The following PIEZO2 variants were observed in gnomAD, a reference collection of about 807,000 sequenced individuals.
PIEZO2 encodes piezo-type mechanosensitive ion channel component 2.
Under a neutral mutation model 337.3 loss-of-function variants are expected in PIEZO2, and 172 were observed. That is an observed-to-expected ratio of 0.51 (90% CI 0.45 to 0.58). The LOEUF is 0.58. Among genes scored for constraint, PIEZO2 ranks in the 20% least tolerant of loss-of-function variants. The pLI, the probability that PIEZO2 is intolerant of heterozygous loss-of-function variation, is 0.00. For synonymous variants in PIEZO2, 1,251 were observed against 1,228.5 expected, an observed-to-expected ratio of 1.02 and a Z score of -0.38; for missense variants, 3,028 against 3,391.3, an observed-to-expected ratio of 0.89 and a Z score of 2.66.
intron 33 of PIEZO2, chr18:10,739,247 C>T (rs766570219): frequency 6.6e-6 from 1 of 152,186 alleles, no homozygotes; most frequent in African/African-American, 2.4e-5. Flanking sequence ...CTATGAATTA[C>T]ACACATTTCT....
intron 1 of PIEZO2, among the ~76,000 whole-genome samples, chr18:11,066,676 T>C (rs759621169): frequency 4.6e-5 from 7 of 152,222 alleles, no homozygotes; most frequent in African/African-American, 1.7e-4. Flanking sequence ...CTCGGCTCAC[T>C]GCAACCTCTG....
chr18:11,130,574 C>G (rs942511688), intron 1 of PIEZO2, among the ~76,000 whole-genome samples: 3 of 152,182 alleles, frequency 2.0e-5, no homozygotes, highest in Admixed American at 1.3e-4. Context: ...ATCCAGTAAG[C>G]AAGAAGTAGC....
In PIEZO2 at chr18:11,116,878, G is replaced by C. The variant is rs9952136; in HGVS notation, c.64+31647C>G. On this transcript the variant is annotated intron_variant, in intron 1 of 55. Transcript: ENST00000674853. This position sits in a 1 kb window ranked among gnomAD's most constrained non-coding sequence, Gnocchi z 5.0. ...AATCCCAGCACTCTGTGAGGCCAAG[G>C]CAGGAGGATCACTTGAGGTCAGGGG... Among the ~76,000 whole-genome samples the C allele has an allele frequency of 7.1e-3, 1,081 of 152,266 alleles. 12 individuals carry two copies. The highest frequency in any genetic ancestry group is 0.024 in the African/African-American group (1,006 of 41,542).
At chr18:10,768,906 T>C (rs2038476462) in intron 21 of PIEZO2, among the ~76,000 whole-genome samples, 1 of 152,206 alleles carries the variant, frequency 6.6e-6, no homozygotes, top group Non-Finnish European at 1.5e-5. Flanking sequence ...CAGCAGATTC[T>C]CTGCGTCCGA....
At chr18:11,082,026 C>T (rs886574190) in intron 1 of PIEZO2, among the ~76,000 whole-genome samples, 8 of 152,166 alleles carry the variant, frequency 5.3e-5, no homozygotes, top group African/African-American at 1.2e-4. Context: ...TCCCAAAGTG[C>T]TGGGATTACA....
chr18:10,714,816 C>G lies in PIEZO2; in HGVS notation c.5371G>C (p.Ala1791Pro). ...IDEHPGAASG[A>P]QTAHRMDSLD... ...CTATCCATCCTGTGGGCTGTCTGTG[C>G]ACCTGAAGCAGCTCCGGGATGCTCG... Residue 1791 changes from alanine (A) to proline (P), a missense_variant, in exon 39 of 56, where the codon GCA becomes CCA. This residue lies in a region of PIEZO2 where 1,925 missense variants were observed against 2,051.9 expected (regional missense o/e 0.94). Transcript: ENST00000674853. The G allele has an allele frequency of 1.3e-6, 2 of 1,537,230 alleles. No individual in the cohort carries two copies. Among genetic ancestry groups the G allele is most frequent in the Non-Finnish European group, 1.7e-6 (2 of 1,146,894 alleles).
Position 10,757,965 on chromosome 18 carries a change from T to C in PIEZO2, c.3923+4A>G, listed in dbSNP as rs2037953465. The C allele has an allele frequency of 6.5e-7, 1 of 1,531,822 alleles. No homozygotes were observed. The allele number at this position is 1,531,822 out of a possible 1,614,324, so 94.9% of individuals were successfully genotyped here. On this transcript the variant is annotated splice_donor_region_variant and intron_variant, in intron 27 of 55. Transcript: ENST00000674853. Reference sequence around the variant, plus strand: ...GCTTTTAGCAAATGTGAAGCTCTTGTTACCTGCAGTGAATAAAATCTGGCA... The same window carrying C: ...GCTTTTAGCAAATGTGAAGCTCTTGCTACCTGCAGTGAATAAAATCTGGCA...
chr18:10,964,815 G>C (rs2033932712), intron 3 of PIEZO2, among the ~76,000 whole-genome samples: 1 of 152,184 alleles, frequency 6.6e-6, no homozygotes, highest in African/African-American at 2.4e-5. Flanking sequence ...TTATGGACTT[G>C]CCTATTCTGG....
At chr18:10,787,226 CT>C in intron 15 of PIEZO2, 42 bp from the exon 16 acceptor site, 1 of 1,476,886 alleles carries the variant, frequency 6.8e-7, no homozygotes, top group African/African-American at 1.4e-5. Context: ...GAAAAAATCA[CT>C]TTTAGGAAAA....
intron 1 of PIEZO2, among the ~76,000 whole-genome samples, chr18:11,071,789 G>A (rs1016293110): frequency 2.0e-5 from 3 of 152,162 alleles, no homozygotes; most frequent in East Asian, 1.9e-4. Flanking sequence ...CAGTGTGCAA[G>A]CAGAGGCCTC....
intron 20 of PIEZO2, 93 bp from the exon 21 acceptor site, chr18:10,770,401 C>T: frequency 7.8e-7 from 1 of 1,279,536 alleles, no homozygotes; most frequent in East Asian, 2.6e-5. Flanking sequence ...GAATGAGAGG[C>T]TGCAAAATAA....
chr18:11,011,581 G>T (rs1036407920), intron 2 of PIEZO2, among the ~76,000 whole-genome samples: 1 of 152,058 alleles, frequency 6.6e-6, no homozygotes, highest in Non-Finnish European at 1.5e-5. Flanking sequence ...AAATAGAATT[G>T]AGTAGAATCC....
chr18:11,082,076 T>C (rs2038762883), intron 1 of PIEZO2, among the ~76,000 whole-genome samples: 2 of 152,100 alleles, frequency 1.3e-5, no homozygotes, highest in African/African-American at 2.4e-5. Context: ...TCAGTTCTTT[T>C]TCTTTCTCCT....
At position 10,672,654 on chromosome 18, in the gene PIEZO2, A is replaced by T; in HGVS notation, c.8345+36T>A. 1 of 1,588,600 alleles carries T rather than the reference A, an allele frequency of 6.3e-7. No individual in the cohort carries two copies. Among genetic ancestry groups the T allele is most frequent in the Non-Finnish European group, 8.5e-7 (1 of 1,170,156 alleles). On this transcript the variant is annotated intron_variant, in intron 55 of 55. Coordinates refer to ENST00000674853, the MANE Select transcript of PIEZO2 (RefSeq NM_001378183.1). This position sits in a 1 kb window ranked among gnomAD's most constrained non-coding sequence, Gnocchi z 4.7. ...TCAACTTTACATGATACAGAAGTAG[A>T]CTCTTGTAACTGTGAATTGTTCAAT...
chr18:11,014,758 C>G (rs535761011), intron 2 of PIEZO2, among the ~76,000 whole-genome samples: 1 of 135,708 alleles, frequency 7.4e-6, no homozygotes, highest in African/African-American at 2.8e-5. Context: ...GGACAGCAAT[C>G]CGGGGCCCCC....
intron 1 of PIEZO2, among the ~76,000 whole-genome samples, chr18:11,119,034 G>A (rs1222632197): frequency 6.6e-6 from 1 of 152,080 alleles, no homozygotes; most frequent in Non-Finnish European, 1.5e-5. Flanking sequence ...TTGGTTGGGA[G>A]GAGGAAAATA....
At chr18:11,142,382 G>C (rs1442534176) in intron 1 of PIEZO2, among the ~76,000 whole-genome samples, 1 of 152,194 alleles carries the variant, frequency 6.6e-6, no homozygotes, top group Non-Finnish European at 1.5e-5. Context: ...TGTTGAGTAT[G>C]TACTTCTCAT....
At chr18:10,744,445 G>T (rs1471878156) in intron 30 of PIEZO2, among the ~76,000 whole-genome samples, 1 of 152,128 alleles carries the variant, frequency 6.6e-6, no homozygotes, top group African/African-American at 2.4e-5. Flanking sequence ...GAGTGAAGGG[G>T]CTGCTCACAA....
At chr18:10,994,852 C>T (rs951952736) in intron 2 of PIEZO2, among the ~76,000 whole-genome samples, 5 of 151,638 alleles carry the variant, frequency 3.3e-5, no homozygotes, top group African/African-American at 1.2e-4. Flanking sequence ...GAGGCCAAAG[C>T]GGGCGGATCA....
Sources: allele counts gnomAD v4.1 joint callset (sites outside exome capture counted in the v4.1 genomes callset), GRCh38; gene constraint gnomAD v4.1.1; regional missense constraint gnomAD v4.1.1; non-coding constraint Gnocchi (gnomAD v3.1); transcripts MANE v1.5; gene names NCBI Gene and HGNC (gene_info 2026-07-23, HGNC 2026-07-21).